SLC35D1: variants seen among roughly 807,000 people sequenced by gnomAD.
The protein encoded by SLC35D1 is solute carrier family 35 member D1.
A neutral mutation model predicts 46.7 loss-of-function variants in SLC35D1; 31 were observed. That is an observed-to-expected ratio of 0.66 (90% CI 0.50 to 0.90). SLC35D1 has a LOEUF of 0.90. SLC35D1 is among the 40% of genes least tolerant of loss of function. SLC35D1 has a pLI of 0.00. For synonymous variants in SLC35D1, 195 were observed against 164.6 expected (o/e 1.18, Z -1.41); for missense variants, 397 against 426.2 (o/e 0.93, Z 0.60).
intron 8 of SLC35D1, among the ~76,000 whole-genome samples, chr1:67,028,936 TTTC>T (rs1294333458): frequency 6.6e-6 from 1 of 152,238 alleles, no homozygotes; most frequent in African/African-American, 2.4e-5. Flanking sequence ...CTTCTCATCC[TTTC>T]TTAACAATCC....
intron 5 of SLC35D1, 145 bp from the exon 6 acceptor site, chr1:67,049,995 C>G (rs1378757106): frequency 1.4e-6 from 1 of 704,108 alleles, no homozygotes; most frequent in East Asian, 2.7e-5. Context: ...TTTAAAAGAA[C>G]CCCTTTGATA....
chr1:66,984,460 A>G, the SLC35D1 span: 6 of 750,318 alleles, frequency 8.0e-6, no homozygotes, highest in Non-Finnish European at 1.3e-5. Context: ...AATTTAGACT[A>G]TGTATTTGAT....
the SLC35D1 span, among the ~76,000 whole-genome samples, chr1:66,993,026 A>G: frequency 1.3e-5 from 2 of 152,174 alleles, no homozygotes; most frequent in Non-Finnish European, 2.9e-5. Flanking sequence ...GATTTTACCT[A>G]TTTTTCTAAG....
At chr1:67,015,220 T>TA (rs202103714) in intron 10 of SLC35D1, among the ~76,000 whole-genome samples, 50 of 145,400 alleles carry the variant, frequency 3.4e-4, no homozygotes, top group African/African-American at 1.2e-3. Flanking sequence ...AGTTTTTAAT[T>TA]AAAAAAACAA....
At chr1:67,017,029 T>G (rs1667699234) in intron 10 of SLC35D1, among the ~76,000 whole-genome samples, 1 of 152,144 alleles carries the variant, frequency 6.6e-6, no homozygotes, top group Non-Finnish European at 1.5e-5. Flanking sequence ...GTTACAGGTA[T>G]TAGAGTCTGG....
At chr1:67,024,377 C>T (rs1667874767) in intron 8 of SLC35D1, among the ~76,000 whole-genome samples, 1 of 152,304 alleles carries the variant, frequency 6.6e-6, no homozygotes, top group African/African-American at 2.4e-5. Context: ...AACCAAAAGT[C>T]AAAGATCTTC....
intron 7 of SLC35D1, 30 bp downstream of exon 7, chr1:67,047,235 C>T (rs771951450): frequency 1.3e-6 from 2 of 1,544,778 alleles, no homozygotes; most frequent in Admixed American, 1.7e-5. Context: ...CATCAGTACA[C>T]AACTGTTAAA....
chr1:67,023,464 GTGTC>G (rs1341410003), intron 8 of SLC35D1, among the ~76,000 whole-genome samples: 5 of 149,982 alleles, frequency 3.3e-5, no homozygotes, highest in Non-Finnish European at 1.5e-5. Flanking sequence ...CTTTGGTGAA[GTGTC>G]TGTCTAAATC....
chr1:66,990,906 C>A, the SLC35D1 span, among the ~76,000 whole-genome samples: 1 of 152,148 alleles, frequency 6.6e-6, no homozygotes, highest in Non-Finnish European at 1.5e-5. Flanking sequence ...CACCATCATA[C>A]ACCCACATCC....
At position 67,002,691 on chromosome 1, in the gene SLC35D1, G is replaced by C. The variant is rs571794147; in HGVS notation, c.*1649C>G. 6.6e-6 allele frequency: 1 copy of C among 152,354 alleles called. No homozygotes were observed. The highest frequency in any genetic ancestry group is 1.9e-4 in the East Asian group (1 of 5,320). The allele number at this position is 152,354 out of a possible 1,614,324, so 9.4% of individuals were successfully genotyped here. The stretch of plus-strand genomic sequence containing the variant: ...TTTAGTAAAGACAAACCAAAAGACA[G>C]GAATATGAAAATGATCTCAATATAA... On this transcript the variant is annotated 3_prime_UTR_variant, in exon 12 of 12. Transcript: ENST00000235345.
intron 8 of SLC35D1, among the ~76,000 whole-genome samples, chr1:67,034,021 A>G (rs975894883): frequency 1.2e-4 from 19 of 152,100 alleles, no homozygotes; most frequent in African/African-American, 4.3e-4. Context: ...TCTGTGTTCT[A>G]TTCAGACACA....
chr1:66,983,720 T>C, the SLC35D1 span, among the ~76,000 whole-genome samples: 2 of 152,170 alleles, frequency 1.3e-5, no homozygotes, highest in Admixed American at 1.3e-4. Flanking sequence ...AGGTAAATAG[T>C]GTGTGATCAT....
intron 8 of SLC35D1, among the ~76,000 whole-genome samples, chr1:67,028,853 CTTTA>C (rs991542871): frequency 1.3e-5 from 2 of 152,082 alleles, no homozygotes; most frequent in African/African-American, 2.4e-5. Context: ...ATTCCTTCCA[CTTTA>C]TTTTTCAATT....
the SLC35D1 span, among the ~76,000 whole-genome samples, chr1:66,994,184 C>T: frequency 6.6e-6 from 1 of 152,306 alleles, no homozygotes; most frequent in Admixed American, 6.5e-5. Flanking sequence ...GGAAAGGTTC[C>T]GTTCACCTGA....
chr1:67,009,499 C>T (rs1372785702), intron 10 of SLC35D1, among the ~76,000 whole-genome samples: 1 of 152,148 alleles, frequency 6.6e-6, no homozygotes, highest in Non-Finnish European at 1.5e-5. Context: ...TCAACAAACA[C>T]AACCCCATTA....
intron 11 of SLC35D1, among the ~76,000 whole-genome samples, chr1:67,004,851 G>A (rs576303233): frequency 5.9e-5 from 9 of 151,880 alleles, no homozygotes; most frequent in Admixed American, 3.3e-4. Context: ...TTTGCATTTC[G>A]AAAAATAGGC....
chr1:66,989,184 G>A, the SLC35D1 span, among the ~76,000 whole-genome samples: 1 of 152,244 alleles, frequency 6.6e-6, no homozygotes, highest in East Asian at 1.9e-4. Flanking sequence ...GTCATTCACT[G>A]TTCCATGAGC....
chr1:67,039,047 G>A (rs1570635786), intron 8 of SLC35D1, among the ~76,000 whole-genome samples: 1 of 152,024 alleles, frequency 6.6e-6, no homozygotes, highest in East Asian at 1.9e-4. Flanking sequence ...TCCAACTCCT[G>A]TCTCTCTGGG....
chr1:66,974,989 A>C, the SLC35D1 span, among the ~76,000 whole-genome samples: 1 of 152,184 alleles, frequency 6.6e-6, no homozygotes, highest in Non-Finnish European at 1.5e-5. Flanking sequence ...AGGAGACAAA[A>C]AACAGCTTGA....
Sources: allele counts gnomAD v4.1 joint callset (sites outside exome capture counted in the v4.1 genomes callset), GRCh38; gene constraint gnomAD v4.1.1; transcripts MANE v1.5; gene names NCBI Gene and HGNC (gene_info 2026-07-23, HGNC 2026-07-21).